The following HSPA4 variants were observed in gnomAD, a reference collection of about 807,000 sequenced individuals.
HSPA4 encodes heat shock 70 kDa protein 4.
HSPA4 carries 25 observed loss-of-function variants against 106.2 expected under a neutral mutation model. That is an observed-to-expected ratio of 0.24 (90% CI 0.17 to 0.33). The LOEUF is 0.33. HSPA4 is among the 10% of genes least tolerant of loss of function. HSPA4 has a pLI of 1.00. For synonymous variants in HSPA4, 332 were observed against 333.6 expected, an observed-to-expected ratio of 1.00 and a Z score of 0.05; for missense variants, 841 against 996.0, an observed-to-expected ratio of 0.84 and a Z score of 2.10.
chr5:133,092,770 CAG>C lies in HSPA4; in HGVS notation c.1634_1635del (p.Glu545ValfsTer2). On this transcript the variant is annotated frameshift_variant, in exon 13 of 19. Transcript: ENST00000304858. LOFTEE classifies it high-confidence loss of function. ...CAGCAGACACCAGCAGAAAATAAGGCAGAGTCTGAAGAAATGGAGGTATGCAT... is the reference window on the plus strand; with the variant it reads ...CAGCAGACACCAGCAGAAAATAAGGCAGTCTGAAGAAATGGAGGTATGCAT... The C allele has an allele frequency of 6.6e-7, 1 of 1,521,612 alleles. No homozygotes were observed. Among genetic ancestry groups the C allele is most frequent in the Non-Finnish European group, 9.0e-7 (1 of 1,106,350 alleles). The allele number at this position is 1,521,612 out of a possible 1,614,324, so 94.3% of individuals were successfully genotyped here.
rs766584029 is a variant in HSPA4, at chr5:133,067,482, T to C, written c.231T>C (p.Asp77=). Residue 77 remains aspartate, a synonymous_variant, in exon 3 of 19, where the codon GAT becomes GAC. Coordinates refer to ENST00000304858, the MANE Select transcript of HSPA4 (RefSeq NM_002154.4). ...GATTCCATGGCCGAGCATTCTCTGA[T>C]CCATTTGTGGAGGCAGAAAAATCTA... ...FKRFHGRAFS[D]PFVEAEKSNL... 2 of 1,613,754 alleles carry C rather than the reference T, an allele frequency of 1.2e-6. No individual in the cohort carries two copies. Among genetic ancestry groups the C allele is most frequent in the South Asian group, 2.2e-5 (2 of 91,080 alleles).
At chr5:133,061,324 G>A (rs1765239511) in intron 1 of HSPA4, among the ~76,000 whole-genome samples, 1 of 151,578 alleles carries the variant, frequency 6.6e-6, no homozygotes, top group African/African-American at 2.4e-5. Context: ...GGGTTTCACT[G>A]TGTTAGCCAG....
intron 13 of HSPA4, among the ~76,000 whole-genome samples, chr5:133,094,753 G>T (rs757921525): frequency 1.3e-5 from 2 of 152,188 alleles, no homozygotes; most frequent in Non-Finnish European, 2.9e-5. Context: ...AAAGGCAAAT[G>T]AAATAGAAAT....
Position 133,106,100 on chromosome 5 carries a change from AAATTTTTTTTTT to A in HSPA4, c.*1665_*1676del, listed in dbSNP as rs1765854509. On this transcript the variant is annotated 3_prime_UTR_variant, in exon 19 of 19. Transcript: ENST00000304858. ...TGGCCATTTCTTCTTAAAAAAAAAA[AAATTTTTTTTTT>A]TTTTTTTTTTTTTTTTTTTTTTTTT... The A allele has an allele frequency of 9.2e-6, 1 of 108,160 alleles. No individual in the cohort carries two copies. The highest frequency in any genetic ancestry group is 3.0e-4 in the South Asian group (1 of 3,322). The allele number at this position is 108,160 out of a possible 1,614,324, so 6.7% of individuals were successfully genotyped here.
At position 133,052,313 on chromosome 5, in the gene HSPA4, C is replaced by T. The variant is rs372198064; in HGVS notation, c.63C>T (p.Gly21=). 227 of 1,588,514 alleles carry T rather than the reference C, an allele frequency of 1.4e-4. No individual in the cohort carries two copies. The highest frequency in any genetic ancestry group is 2.5e-4 in the South Asian group (22 of 88,492). The change falls in exon 1 of 19, where the codon GGC becomes GGT. Residue 21 remains glycine (G), a synonymous_variant. Transcript: ENST00000304858. The part of the protein sequence containing the change: ...QSCYVAVARA[G]GIETIANEYS... ...GCTACGTCGCTGTGGCCCGCGCCGG[C>T]GGCATCGAGACTATCGCTAATGAGT...
chr5:133,081,138 C>G (rs374580762), intron 7 of HSPA4, among the ~76,000 whole-genome samples: 23 of 152,088 alleles, frequency 1.5e-4, no homozygotes, highest in African/African-American at 4.8e-4. Flanking sequence ...ACCTCCACCT[C>G]CCGGGTTTAA....
chr5:133,097,549 C>CTTTTTTTTTT (rs551499462), intron 15 of HSPA4, among the ~76,000 whole-genome samples: 4 of 127,570 alleles, frequency 3.1e-5, no homozygotes, highest in Admixed American at 7.9e-5. Flanking sequence ...CTTTTCTTTT[C>CTTTTTTTTTT]TTTTTTTTTT....
rs1765219352 is a variant in HSPA4, at chr5:133,060,076, T to TTTTTC, written c.108-4901_108-4900insTCTTT. Among the ~76,000 whole-genome samples, 3 of 151,922 alleles carry TTTTTC rather than the reference T, an allele frequency of 2.0e-5. No homozygotes were observed. The South Asian group carries it at 6.2e-4, about 32-fold the overall frequency. On this transcript the variant is annotated intron_variant, in intron 1 of 18. Coordinates refer to ENST00000304858, the MANE Select transcript of HSPA4 (RefSeq NM_002154.4). The stretch of plus-strand genomic sequence containing the variant: ...GTGGTATATCAGTTTTACTTTTTTT[T>TTTTTC]TTTAGGACTTACTAGATTTATTAGG...
rs1239917238 is a variant in HSPA4 at position 133,104,508 on chromosome 5, C to G, written c.*72C>G. 2.9e-6 allele frequency: 4 copies of G among 1,371,006 alleles called. No homozygotes were observed. The highest frequency in any genetic ancestry group is 3.1e-6 in the Non-Finnish European group (3 of 974,914). The allele number at this position is 1,371,006 out of a possible 1,614,324, so 84.9% of individuals were successfully genotyped here. The stretch of plus-strand genomic sequence containing the variant: ...TTGTCAACTTTGTTCTAAATATCAA[C>G]TAGCGCAAGTGAATACTGAAGATTT... On this transcript the variant is annotated 3_prime_UTR_variant, in exon 19 of 19. Transcript: ENST00000304858.
chr5:133,091,435 G>A (rs1215238704), intron 12 of HSPA4, 61 bp downstream of exon 12: 3 of 1,342,606 alleles, frequency 2.2e-6, no homozygotes, highest in Non-Finnish European at 1.0e-6. Flanking sequence ...AGAAATTGTA[G>A]CAAGCAGACT....
At chr5:133,095,692 C>T (rs1463194289) in intron 13 of HSPA4, among the ~76,000 whole-genome samples, 4 of 152,006 alleles carry the variant, frequency 2.6e-5, no homozygotes, top group South Asian at 2.1e-4. Context: ...TATATTGATA[C>T]GGGATTGTAG....
intron 1 of HSPA4, among the ~76,000 whole-genome samples, chr5:133,062,450 T>G (rs1765256140): frequency 6.6e-6 from 1 of 152,190 alleles, no homozygotes; most frequent in South Asian, 2.1e-4. Flanking sequence ...TGCCAATTAT[T>G]AGGCTTATGC....
chr5:133,066,935 C>T (rs1259265539), intron 2 of HSPA4, among the ~76,000 whole-genome samples: 1 of 151,930 alleles, frequency 6.6e-6, no homozygotes, highest in Admixed American at 6.6e-5. Flanking sequence ...AGGCTGGTCT[C>T]GAGCTCCTGA....
At chr5:133,091,766 C>T (rs1314697665) in intron 12 of HSPA4, among the ~76,000 whole-genome samples, 1 of 152,142 alleles carries the variant, frequency 6.6e-6, no homozygotes, top group Admixed American at 6.5e-5. Flanking sequence ...TACAAATTAC[C>T]TATGATTCCA....
At position 133,084,560 on chromosome 5, in the gene HSPA4, T is replaced by G. The variant is rs931771944; in HGVS notation, c.909-2222T>G. Among the ~76,000 whole-genome samples, 4 of 152,126 alleles carry G rather than the reference T, an allele frequency of 2.6e-5. No homozygotes were observed. The East Asian group carries it at 5.8e-4, about 22-fold the overall frequency. ...ATCTCGGCTCACTGCAACCTCTGCCTTCCAGGTTCAAGCGATTCTCCTGCC... is the reference window on the plus strand; with the variant it reads ...ATCTCGGCTCACTGCAACCTCTGCCGTCCAGGTTCAAGCGATTCTCCTGCC... On this transcript the variant is annotated intron_variant, in intron 7 of 18. Coordinates refer to ENST00000304858, the MANE Select transcript of HSPA4 (RefSeq NM_002154.4).
intron 15 of HSPA4, among the ~76,000 whole-genome samples, chr5:133,098,272 T>C (rs1193905906): frequency 6.6e-6 from 1 of 152,172 alleles, no homozygotes; most frequent in Admixed American, 6.5e-5. Flanking sequence ...TAGTATTCCA[T>C]GGTGTGTATA....
chr5:133,056,004 G>A lies in HSPA4; in HGVS notation c.107+3647G>A, dbSNP rs568838265. Among the ~76,000 whole-genome samples the A allele has an allele frequency of 4.6e-5, 7 of 152,200 alleles. No homozygotes were observed. The East Asian group carries it at 1.4e-3, about 29-fold the overall frequency. On this transcript the variant is annotated intron_variant, in intron 1 of 18. Coordinates refer to ENST00000304858, the MANE Select transcript of HSPA4 (RefSeq NM_002154.4). ...GAGGCAGAAGAATCGCTTGAACCTG[G>A]TAGGTGGAGGTTGCAGTGAACCGAG...
intron 6 of HSPA4, among the ~76,000 whole-genome samples, chr5:133,075,309 C>T (rs146285159): frequency 8.8e-4 from 134 of 152,204 alleles, no homozygotes; most frequent in Non-Finnish European, 1.5e-3. Context: ...TCTTTTTAAA[C>T]GGAAGACTCT....
chr5:133,083,144 CAAAA>C (rs1234574679), intron 7 of HSPA4, among the ~76,000 whole-genome samples: 1 of 70,728 alleles, frequency 1.4e-5, no homozygotes, highest in Non-Finnish European at 3.0e-5. Context: ...CAAAAAAATA[CAAAA>C]AAAAAAAAAA....
Sources: gnomAD v4.1 joint callset for allele counts (sites outside exome capture counted in the v4.1 genomes callset) on GRCh38, gnomAD v4.1.1 for gene constraint, MANE v1.5 for transcripts, NCBI Gene and HGNC (gene_info 2026-07-23, HGNC 2026-07-21) for gene names.